SNRPF: variants seen among roughly 807,000 people sequenced by gnomAD.
SNRPF encodes the protein small nuclear ribonucleoprotein F.
Under a neutral mutation model 13.4 loss-of-function variants are expected in SNRPF, and 1 was observed. That is an observed-to-expected ratio of 0.07 (90% CI 0.03 to 0.35). The LOEUF is 0.35. SNRPF is among the 10% of genes least tolerant of loss of function. The pLI is 0.99. For missense variants in SNRPF, 53 were observed against 101.0 expected (o/e 0.52, Z 2.04); for synonymous variants, 27 against 32.1 (o/e 0.84, Z 0.54).
At chr12:95,859,742 G>A (rs747426465) in intron 1 of SNRPF, among the ~76,000 whole-genome samples, 58 of 152,162 alleles carry the variant, frequency 3.8e-4, no homozygotes, top group Non-Finnish European at 7.3e-5. Context: ...CCACTTGCGC[G>A]AATAGTGGTT....
rs2079495205 is a variant in SNRPF at position 95,861,239 on chromosome 12, G to C, written c.75G>C (p.Trp25Cys). The change falls in exon 2 of 4, where the codon TGG becomes TGC. Residue 25 changes from tryptophan to cysteine, a missense_variant. Trp to Cys is a radical substitution (Grantham distance 215). Coordinates refer to ENST00000266735, the MANE Select transcript of SNRPF (RefSeq NM_003095.5). Reference protein sequence around the residue: ...TGKPVMVKLKWGMEYKGYLVS... With the variant: ...TGKPVMVKLKCGMEYKGYLVS... Reference sequence around the variant, plus strand: ...AGCCAGTGATGGTGAAACTTAAGTGGGGAATGGAGTACAAGGGCTATCTGG... The same window carrying C: ...AGCCAGTGATGGTGAAACTTAAGTGCGGAATGGAGTACAAGGGCTATCTGG... The C allele has an allele frequency of 6.2e-7, 1 of 1,612,384 alleles. No individual in the cohort carries two copies. Among genetic ancestry groups the C allele is most frequent in the African/African-American group, 1.3e-5 (1 of 74,854 alleles).
intron 1 of SNRPF, 50 bp downstream of exon 1, chr12:95,859,126 A>G (rs1335127518): frequency 3.3e-6 from 5 of 1,530,544 alleles, no homozygotes; most frequent in Non-Finnish European, 4.5e-6. Flanking sequence ...AGAAGGAGGG[A>G]GACCAGCCTC....
intron 2 of SNRPF, chr12:95,861,834 A>G (rs2121392044): frequency 6.5e-6 from 1 of 152,942 alleles, no homozygotes; most frequent in Admixed American, 6.5e-5. Context: ...AATATACATT[A>G]CAATTTTGCC....
chr12:95,865,272 G>A, intron 2 of SNRPF, 52 bp from the exon 3 acceptor site: 4 of 877,950 alleles, frequency 4.6e-6, no homozygotes, highest in Non-Finnish European at 7.6e-6. Context: ...TAGCTGTATT[G>A]TAATATTTTC....
At chr12:95,865,649 A>T (rs148170314) in intron 3 of SNRPF, among the ~76,000 whole-genome samples, 4 of 152,128 alleles carry the variant, frequency 2.6e-5, no homozygotes, top group African/African-American at 9.7e-5. Context: ...TTGCAGTGGC[A>T]ACCTTTTGCA....
intron 2 of SNRPF, among the ~76,000 whole-genome samples, chr12:95,862,952 G>C (rs1377861467): frequency 6.6e-6 from 1 of 152,048 alleles, no homozygotes; most frequent in Non-Finnish European, 1.5e-5. Flanking sequence ...TTTATCTTTG[G>C]AGAAATGCCT....
At position 95,866,095 on chromosome 12, in the gene SNRPF, T is replaced by A. The variant is rs377286210; in HGVS notation, c.*24T>A. On this transcript the variant is annotated 3_prime_UTR_variant, in exon 4 of 4. Transcript: ENST00000266735. The stretch of plus-strand genomic sequence containing the variant: ...AGCATCTTTTGTGGGGGATTTTTTT[T>A]ATATATATTTCTAGACAATAAAGAT... 8.6e-5 allele frequency: 102 copies of A among 1,187,924 alleles called. No individual in the cohort carries two copies. The highest frequency in any genetic ancestry group is 2.8e-4 in the Middle Eastern group (1 of 3,630). 73.6% of individuals were successfully genotyped at this position (1,187,924 alleles called of 1,614,324 possible).
intron 2 of SNRPF, chr12:95,865,104 T>C (rs572099100): frequency 8.7e-6 from 3 of 344,006 alleles, no homozygotes; most frequent in African/African-American, 2.1e-5. Context: ...CAGAAACTTA[T>C]GTTGAAACAA....
chr12:95,861,042 A>T (rs2079493344), intron 1 of SNRPF, 126 bp from the exon 2 acceptor site: 2 of 720,584 alleles, frequency 2.8e-6, no homozygotes, highest in African/African-American at 3.6e-5. Flanking sequence ...AAAATTATGT[A>T]CTAAAATAAT....
At chr12:95,864,483 A>C (rs1230549265) in intron 2 of SNRPF, among the ~76,000 whole-genome samples, 1 of 152,276 alleles carries the variant, frequency 6.6e-6, no homozygotes, top group Non-Finnish European at 1.5e-5. Flanking sequence ...CATTCGATTC[A>C]TAATAATACC....
Position 95,859,058 on chromosome 12 carries a change from T to G in SNRPF, c.-16T>G, listed in dbSNP as rs368910816. 2.5e-4 allele frequency: 408 copies of G among 1,613,114 alleles called. No homozygotes were observed. Among genetic ancestry groups the G allele is most frequent in the South Asian group, 1.3e-3 (117 of 90,702 alleles). ...GGTCGGCAGAGAGTAGCCTGCAACA[T>G]TCGGCCGTGGTTACGATGGTAAGGA... On this transcript the variant is annotated 5_prime_UTR_variant, in exon 1 of 4. Coordinates refer to ENST00000266735, the MANE Select transcript of SNRPF (RefSeq NM_003095.5).
intron 2 of SNRPF, among the ~76,000 whole-genome samples, chr12:95,863,750 C>T (rs542083247): frequency 6.6e-6 from 1 of 152,264 alleles, no homozygotes; most frequent in African/African-American, 2.4e-5. Context: ...GAGGCGAATT[C>T]TGGAAGATAC....
intron 1 of SNRPF, among the ~76,000 whole-genome samples, chr12:95,860,761 G>A (rs1175316949): frequency 6.6e-6 from 1 of 151,704 alleles, no homozygotes; most frequent in Non-Finnish European, 1.5e-5. Context: ...TGTTGCCTGG[G>A]CTGGTCTTGA....
intron 2 of SNRPF, chr12:95,861,865 T>A (rs1475138636): frequency 6.6e-6 from 1 of 152,484 alleles, no homozygotes; most frequent in Non-Finnish European, 1.5e-5. Context: ...TTTTTAAGTG[T>A]ATAATTCAGT....
At chr12:95,863,958 G>A (rs1344882476) in intron 2 of SNRPF, among the ~76,000 whole-genome samples, 3 of 152,150 alleles carry the variant, frequency 2.0e-5, no homozygotes, top group African/African-American at 7.2e-5. Context: ...GTTAAGTGAT[G>A]GTGAAGAACA....
intron 1 of SNRPF, among the ~76,000 whole-genome samples, chr12:95,860,328 A>G (rs1053428806): frequency 6.6e-6 from 1 of 152,150 alleles, no homozygotes; most frequent in South Asian, 2.1e-4. Flanking sequence ...CTCCTTTTAC[A>G]TAAGTAGCTA....
intron 2 of SNRPF, among the ~76,000 whole-genome samples, chr12:95,863,837 T>C (rs1209456136): frequency 6.6e-6 from 1 of 152,110 alleles, no homozygotes; most frequent in African/African-American, 2.4e-5. Context: ...ACAAAGGCCC[T>C]GTGGCAGAAG....
chr12:95,859,881 T>C (rs1042642817), intron 1 of SNRPF, among the ~76,000 whole-genome samples: 18 of 152,308 alleles, frequency 1.2e-4, no homozygotes, highest in Non-Finnish European at 2.6e-4. Context: ...AGCAGAAATA[T>C]GACAATCTGA....
intron 2 of SNRPF, among the ~76,000 whole-genome samples, chr12:95,862,413 A>G (rs2079500302): frequency 2.0e-5 from 3 of 152,136 alleles, no homozygotes; most frequent in South Asian, 2.1e-4. Context: ...TGGTAATTCT[A>G]TGTTTAATTT....
Sources: allele counts gnomAD v4.1 joint callset (sites outside exome capture counted in the v4.1 genomes callset), GRCh38; gene constraint gnomAD v4.1.1; transcripts MANE v1.5; gene names NCBI Gene and HGNC (gene_info 2026-07-23, HGNC 2026-07-21).